STPG2: variants seen among roughly 807,000 people sequenced by gnomAD.
STPG2 encodes the protein sperm-tail PG-rich repeat-containing protein 2.
In STPG2, 56 loss-of-function variants were observed where a neutral mutation model predicts 54.2. That is an observed-to-expected ratio of 1.03 (90% confidence interval 0.83 to 1.29). The LOEUF (loss-of-function observed/expected upper bound fraction) is 1.29, where lower values mean the gene tolerates loss of function less well. Among genes scored for constraint, STPG2 ranks in the 50% most tolerant of loss-of-function variants. The pLI, the probability that STPG2 is intolerant of heterozygous loss-of-function variation, is 0.00. For missense variants in STPG2, 596 were observed against 544.9 expected (o/e 1.09, Z -0.93); for synonymous variants, 200 against 181.8 (o/e 1.10, Z -0.81).
At chr4:97,489,439 T>A (rs1174533097) in intron 4 of STPG2, among the ~76,000 whole-genome samples, 4 of 151,618 alleles carry the variant, frequency 2.6e-5, no homozygotes, top group Non-Finnish European at 5.9e-5. Flanking sequence ...TAGTACCACC[T>A]AGGTGACCAG....
intron 7 of STPG2, among the ~76,000 whole-genome samples, chr4:97,971,981 C>T (rs192000991): frequency 7.9e-5 from 12 of 152,014 alleles, no homozygotes; most frequent in Admixed American, 3.9e-4. Context: ...CTTTGTGCTA[C>T]GTGGTTTAAA....
At chr4:98,031,492 C>A (rs1029480703) in intron 5 of STPG2, among the ~76,000 whole-genome samples, 1 of 152,142 alleles carries the variant, frequency 6.6e-6, no homozygotes. Context: ...TCCTGGCCAA[C>A]ATGGTGAAAC....
At chr4:97,631,978 A>G (rs1721297622) in intron 10 of STPG2, among the ~76,000 whole-genome samples, 1 of 152,210 alleles carries the variant, frequency 6.6e-6, no homozygotes, top group Admixed American at 6.5e-5. Context: ...ATGCTTGTCC[A>G]TCACATGCAA....
chr4:97,815,967 G>A (rs1184276344), intron 9 of STPG2, among the ~76,000 whole-genome samples: 2 of 152,064 alleles, frequency 1.3e-5, no homozygotes, highest in African/African-American at 2.4e-5. Context: ...TGCCATGGTG[G>A]TTTGTTGCAC....
intron 4 of STPG2, among the ~76,000 whole-genome samples, chr4:97,455,338 G>A (rs919477277): frequency 6.6e-6 from 1 of 152,030 alleles, no homozygotes; most frequent in East Asian, 1.9e-4. Context: ...TGCATTTCCC[G>A]AGACCACCCT....
chr4:97,445,735 C>T (rs985884892), intron 4 of STPG2, among the ~76,000 whole-genome samples: 9 of 152,300 alleles, frequency 5.9e-5, no homozygotes, highest in Admixed American at 5.2e-4. Flanking sequence ...TGAATTTGAT[C>T]TACTACTCTA....
chr4:97,684,496 A>C (rs757374464), intron 10 of STPG2, among the ~76,000 whole-genome samples: 5 of 152,004 alleles, frequency 3.3e-5, no homozygotes, highest in African/African-American at 7.2e-5. Context: ...TAATCTTTTC[A>C]ACAAAGAAAA....
intron 9 of STPG2, among the ~76,000 whole-genome samples, chr4:97,806,501 C>T (rs1015162979): frequency 2.6e-5 from 4 of 151,968 alleles, no homozygotes; most frequent in Non-Finnish European, 5.9e-5. Flanking sequence ...ACATGTACCC[C>T]CTGAATCTAA....
At chr4:97,939,957 CA>C (rs1225672958) in intron 8 of STPG2, among the ~76,000 whole-genome samples, 1 of 152,108 alleles carries the variant, frequency 6.6e-6, no homozygotes, top group Non-Finnish European at 1.5e-5. Context: ...CCTTTCTATA[CA>C]TGGAGCTTCT....
intron 10 of STPG2, among the ~76,000 whole-genome samples, chr4:97,686,281 A>G (rs1723186652): frequency 6.7e-6 from 1 of 148,870 alleles, no homozygotes; most frequent in Non-Finnish European, 1.5e-5. Flanking sequence ...TGTCTTTCAT[A>G]TTGGACTCAA....
At chr4:97,574,135 T>C (rs1378369671) in intron 10 of STPG2, among the ~76,000 whole-genome samples, 2 of 152,142 alleles carry the variant, frequency 1.3e-5, no homozygotes, top group South Asian at 2.1e-4. Flanking sequence ...GAGTACTTCA[T>C]GTGACTGCAG....
chr4:97,800,763 A>G (rs1727367924), intron 9 of STPG2, among the ~76,000 whole-genome samples: 1 of 152,126 alleles, frequency 6.6e-6, no homozygotes, highest in South Asian at 2.1e-4. Context: ...TTGTTTGGCT[A>G]TGCCCTACCC....
chr4:97,735,591 T>G (rs545113924), intron 9 of STPG2, among the ~76,000 whole-genome samples: 8 of 148,198 alleles, frequency 5.4e-5, no homozygotes, highest in South Asian at 2.1e-4. Context: ...ATGTATATAT[T>G]TATATATTTA....
chr4:97,668,335 A>C (rs1722588523), intron 10 of STPG2, among the ~76,000 whole-genome samples: 1 of 152,160 alleles, frequency 6.6e-6, no homozygotes, highest in East Asian at 1.9e-4. Flanking sequence ...CCAGACTGTG[A>C]AACATCTTGA....
At chr4:97,917,076 ACT>A (rs1283403102) in intron 8 of STPG2, 2 of 152,320 alleles carry the variant, frequency 1.3e-5, no homozygotes, top group Non-Finnish European at 2.9e-5. Context: ...TATGCCAATA[ACT>A]CTATCTCCCT....
intron 8 of STPG2, among the ~76,000 whole-genome samples, chr4:97,886,941 G>A (rs1483647386): frequency 6.6e-6 from 1 of 152,118 alleles, no homozygotes; most frequent in South Asian, 2.1e-4. Flanking sequence ...TCTCTCCCTT[G>A]CTCCTGCTAC....
At chr4:98,128,282 G>A (rs187136975) in intron 3 of STPG2, 146 bp downstream of exon 3, 553 of 660,432 alleles carry the variant, frequency 8.4e-4, no homozygotes, top group Non-Finnish European at 1.1e-3. Context: ...TAAAATTTGG[G>A]GGTCTATTTG....
intron 7 of STPG2, among the ~76,000 whole-genome samples, chr4:97,944,618 C>T (rs948207724): frequency 1.2e-4 from 18 of 152,010 alleles, no homozygotes; most frequent in African/African-American, 3.6e-4. Context: ...GCAGCAACAT[C>T]CTTTGTATAT....
chr4:97,857,661 C>T (rs973916655), intron 8 of STPG2, among the ~76,000 whole-genome samples: 1 of 151,732 alleles, frequency 6.6e-6, no homozygotes, highest in Non-Finnish European at 1.5e-5. Flanking sequence ...TTCAATTATG[C>T]TCTGATAAAA....
Sources: allele counts gnomAD v4.1 joint callset (sites outside exome capture counted in the v4.1 genomes callset), GRCh38; gene constraint gnomAD v4.1.1; transcripts MANE v1.5; gene names NCBI Gene and HGNC (gene_info 2026-07-23, HGNC 2026-07-21).